The following PSIP1 variants were observed in gnomAD, a reference collection of about 807,000 sequenced individuals.
PSIP1 encodes PC4 and SRSF1 interacting protein 1.
A neutral mutation model predicts 74.7 loss-of-function variants in PSIP1; 19 were observed. That is an observed-to-expected ratio of 0.25 (90% CI 0.18 to 0.37). PSIP1 has a LOEUF of 0.37. Among genes scored for constraint, PSIP1 ranks in the 10% least tolerant of loss-of-function variants. The pLI is 1.00. For synonymous variants in PSIP1, 222 were observed against 195.3 expected (o/e 1.14, Z -1.14); for missense variants, 601 against 614.3 (o/e 0.98, Z 0.23).
intron 3 of PSIP1, chr9:15,505,566 G>C (rs904081155): frequency 6.6e-6 from 1 of 152,146 alleles, no homozygotes; most frequent in Non-Finnish European, 1.5e-5. Flanking sequence ...AAAATGTCCA[G>C]AACTGGTAAG....
At chr9:15,495,283 CAA>C (rs1359547986) in intron 3 of PSIP1, among the ~76,000 whole-genome samples, 1 of 149,392 alleles carries the variant, frequency 6.7e-6, no homozygotes, top group African/African-American at 2.6e-5. Flanking sequence ...TGATCTACCA[CAA>C]AGTTACTGTA....
chr9:15,482,444 C>T (rs1321186490), intron 6 of PSIP1, among the ~76,000 whole-genome samples: 1 of 152,152 alleles, frequency 6.6e-6, no homozygotes, highest in East Asian at 1.9e-4. Context: ...CAAAGTCTTG[C>T]TTTGATGTGG....
At position 15,473,991 on chromosome 9, in the gene PSIP1, T is replaced by C. The variant is rs2035965273; in HGVS notation, c.858+18A>G. On this transcript the variant is annotated intron_variant, in intron 9 of 15. Coordinates refer to ENST00000380733, the MANE Select transcript of PSIP1 (RefSeq NM_033222.5). ...AACTAAGAATAGAACAGCCATTTTA[T>C]ATATGTAAACTTTATACCTTTTCAC... 6.4e-7 allele frequency: 1 copy of C among 1,557,386 alleles called. No individual in the cohort carries two copies.
chr9:15,487,859 G>A (rs1429423545), intron 4 of PSIP1, among the ~76,000 whole-genome samples: 1 of 152,214 alleles, frequency 6.6e-6, no homozygotes, highest in Non-Finnish European at 1.5e-5. Context: ...AAACAATTAT[G>A]ATATGGTTCG....
chr9:15,480,846 G>A (rs1180511206), intron 6 of PSIP1, among the ~76,000 whole-genome samples: 3 of 152,170 alleles, frequency 2.0e-5, no homozygotes, highest in Non-Finnish European at 4.4e-5. Context: ...CTGGAACTCA[G>A]GGGGCAGAGG....
chr9:15,469,230 G>T, intron 12 of PSIP1, 36 bp downstream of exon 12: 1 of 1,364,300 alleles, frequency 7.3e-7, no homozygotes, highest in Non-Finnish European at 1.0e-6. Flanking sequence ...AGCTATAAAT[G>T]CAGTACTGAA....
At chr9:15,474,967 T>A (rs1250906222) in intron 8 of PSIP1, among the ~76,000 whole-genome samples, 1 of 152,160 alleles carries the variant, frequency 6.6e-6, no homozygotes, top group Admixed American at 6.5e-5. Context: ...ATCAATGAAT[T>A]TGAGAGCTTG....
Position 15,472,613 on chromosome 9 carries a change from G to GAA in PSIP1, c.977+17_977+18dup. The GAA allele has an allele frequency of 3.3e-5, 40 of 1,207,714 alleles. No homozygotes were observed. The highest frequency in any genetic ancestry group is 2.4e-4 in the Admixed American group (9 of 37,224). 74.8% of individuals were successfully genotyped at this position (1,207,714 alleles called of 1,614,324 possible). On this transcript the variant is annotated intron_variant, in intron 10 of 15. Transcript: ENST00000380733. ...GCCTTTAAAAAGAACCCAAAATTTA[G>GAA]AAAAAAAAAAATACTTACTGCTCAG...
chr9:15,500,916 A>C (rs954521802), intron 3 of PSIP1, among the ~76,000 whole-genome samples: 4 of 152,252 alleles, frequency 2.6e-5, no homozygotes, highest in Non-Finnish European at 4.4e-5. Flanking sequence ...AATTTAATAA[A>C]TACTACTAGA....
At chr9:15,472,796 A>C (rs377701866) in intron 9 of PSIP1, 46 bp from the exon 10 acceptor site, 1 of 1,497,762 alleles carries the variant, frequency 6.7e-7, no homozygotes, top group African/African-American at 1.4e-5. Context: ...AAAGTCAGTG[A>C]CTAGTGCTTA....
intron 7 of PSIP1, 51 bp downstream of exon 7, chr9:15,479,540 C>A: frequency 7.0e-7 from 1 of 1,420,352 alleles, no homozygotes. Context: ...TTTAAATGGA[C>A]TGGAATATTA....
At chr9:15,504,068 A>C (rs939076371) in intron 3 of PSIP1, among the ~76,000 whole-genome samples, 1 of 152,226 alleles carries the variant, frequency 6.6e-6, no homozygotes, top group Admixed American at 6.5e-5. Context: ...TAAGTACAAA[A>C]GAAGTCACCA....
chr9:15,488,819 A>G lies in PSIP1; in HGVS notation c.288+1167T>C, dbSNP rs559081534. On this transcript the variant is annotated intron_variant, in intron 4 of 15. Transcript: ENST00000380733. The stretch of plus-strand genomic sequence containing the variant: ...GGCGGATCACAAGGTCAGGAGATCG[A>G]GACCATCCTGGCTAACACGGTGAAA... Among the ~76,000 whole-genome samples the G allele has an allele frequency of 9.3e-3, 1,419 of 152,236 alleles. 13 individuals carry two copies. The highest frequency in any genetic ancestry group is 0.033 in the African/African-American group (1,356 of 41,518).
intron 3 of PSIP1, among the ~76,000 whole-genome samples, chr9:15,494,630 A>T (rs2132168884): frequency 6.6e-6 from 1 of 152,074 alleles, no homozygotes; most frequent in African/African-American, 2.4e-5. Flanking sequence ...CAGGGTATAT[A>T]AAAGTCAGCT....
rs1046511001 is a variant in PSIP1 at position 15,493,872 on chromosome 9, T to A, written c.150-3748A>T. ...GGATTATTACAATTCGAGGTGTAAT[T>A]TGGGTGGGGACACAGAGCCAAACCA... On this transcript the variant is annotated intron_variant, in intron 3 of 15. Coordinates refer to ENST00000380733, the MANE Select transcript of PSIP1 (RefSeq NM_033222.5). Among the ~76,000 whole-genome samples the A allele has an allele frequency of 3.2e-4, 49 of 152,124 alleles. 2 individuals carry two copies. Among genetic ancestry groups the A allele is most frequent in the Non-Finnish European group, 1.5e-5 (1 of 68,026 alleles).
Position 15,490,137 on chromosome 9 carries a change from T to C in PSIP1, c.150-13A>G. 1 of 1,567,786 alleles carries C rather than the reference T, an allele frequency of 6.4e-7. No individual in the cohort carries two copies. ...TCCTAAAAAAGCACTAAAAAAGAAG[T>C]GGGGAAGATGTGAGTGCAAAGCAAG... is the stretch of plus-strand genomic sequence containing the variant. On this transcript the variant is annotated splice_polypyrimidine_tract_variant and intron_variant, in intron 3 of 15. Transcript: ENST00000380733.
intron 8 of PSIP1, among the ~76,000 whole-genome samples, chr9:15,477,102 C>A (rs2036121401): frequency 6.6e-6 from 1 of 152,132 alleles, no homozygotes; most frequent in African/African-American, 2.4e-5. Flanking sequence ...ATTTTCCCAG[C>A]AGAATTTCAG....
intron 3 of PSIP1, among the ~76,000 whole-genome samples, chr9:15,503,745 AT>A (rs949285788): frequency 6.6e-6 from 1 of 151,634 alleles, no homozygotes; most frequent in Non-Finnish European, 1.5e-5. Flanking sequence ...AAAAATTAGT[AT>A]TTTTTTGTTT....
In PSIP1 at chr9:15,468,827, A is replaced by C; in HGVS notation, c.1223T>G (p.Val408Gly). ...TTLKKIRRFK[V>G]SQVIMEKSTM... is the part of the protein sequence containing the mutation. ...AGACTTTTCCATGATTACCTGACTA[A>C]CTTTGAATCGCCGTATCTGAGAAAA... is the stretch of plus-strand genomic sequence containing the variant. Residue 408 changes from valine (V) to glycine (G), a missense_variant, in exon 14 of 16, where the codon GTT becomes GGT. Transcript: ENST00000380733. 1 of 1,613,610 alleles carries C rather than the reference A, an allele frequency of 6.2e-7. No homozygotes were observed. Among genetic ancestry groups the C allele is most frequent in the Non-Finnish European group, 8.5e-7 (1 of 1,179,656 alleles).
Sources: gnomAD v4.1 joint callset for allele counts (sites outside exome capture counted in the v4.1 genomes callset) on GRCh38, gnomAD v4.1.1 for gene constraint, MANE v1.5 for transcripts, NCBI Gene and HGNC (gene_info 2026-07-23, HGNC 2026-07-21) for gene names.